The following FER1L6 variants were observed in gnomAD, a reference collection of about 807,000 sequenced individuals.
FER1L6 encodes the protein fer-1 like family member 6.
Under a neutral mutation model 219.2 loss-of-function variants are expected in FER1L6, and 177 were observed. That is an observed-to-expected ratio of 0.81 (90% CI 0.71 to 0.91). The LOEUF (loss-of-function observed/expected upper bound fraction) is 0.91. FER1L6 is among the 40% of genes least tolerant of loss of function. The probability of loss-of-function intolerance (pLI) is 0.00; values close to 1 mark genes in which losing one functional copy is unlikely to be tolerated. For synonymous variants in FER1L6, 768 were observed against 824.3 expected (o/e 0.93, Z 1.17); for missense variants, 2,153 against 2,259.9 (o/e 0.95, Z 0.96).
chr8:124,097,946 C>CT, intron 37 of FER1L6, 63 bp downstream of exon 37: 1 of 884,940 alleles, frequency 1.1e-6, no homozygotes, highest in South Asian at 1.4e-5. Context: ...TAAACCCTAA[C>CT]TAAATCTATG....
At chr8:123,960,019 A>T (rs1815198489) in intron 2 of FER1L6, among the ~76,000 whole-genome samples, 1 of 152,218 alleles carries the variant, frequency 6.6e-6, no homozygotes, top group Admixed American at 6.5e-5. Flanking sequence ...AACTGGGAAT[A>T]CATAGACTTG....
intron 1 of FER1L6, among the ~76,000 whole-genome samples, chr8:123,876,718 AT>A (rs566241361): frequency 4.6e-5 from 7 of 151,114 alleles, no homozygotes; most frequent in South Asian, 2.1e-4. Context: ...CTTTAATCTG[AT>A]TTTTTTTTCC....
At chr8:123,994,993 G>A (rs955837969) in intron 12 of FER1L6, among the ~76,000 whole-genome samples, 3 of 152,206 alleles carry the variant, frequency 2.0e-5, no homozygotes, top group Admixed American at 6.5e-5. Flanking sequence ...ATTCTCTGGT[G>A]GGAGTGTATA....
chr8:124,075,714 C>T (rs1360630029), intron 31 of FER1L6, among the ~76,000 whole-genome samples: 1 of 152,146 alleles, frequency 6.6e-6, no homozygotes, highest in Non-Finnish European at 1.5e-5. Flanking sequence ...ATGTGTTGCA[C>T]TACAATGCTG....
chr8:123,994,889 T>C (rs1348998971), intron 12 of FER1L6, among the ~76,000 whole-genome samples: 3 of 152,214 alleles, frequency 2.0e-5, no homozygotes, highest in Admixed American at 6.5e-5. Flanking sequence ...TATGCATAAC[T>C]TGTGGTTGCT....
chr8:123,856,280 A>ATATATATATATG (rs1373153039), intron 1 of FER1L6, among the ~76,000 whole-genome samples: 1 of 103,520 alleles, frequency 9.7e-6, no homozygotes, highest in Non-Finnish European at 2.0e-5. Context: ...ATATGTGTAT[A>ATATATATATATG]TATGTGTGTG....
intron 12 of FER1L6, among the ~76,000 whole-genome samples, chr8:123,990,635 C>A (rs764182468): frequency 6.6e-6 from 1 of 152,268 alleles, no homozygotes; most frequent in South Asian, 2.1e-4. Context: ...TTGTTGGATG[C>A]ATAGTTTGCA....
chr8:124,007,525 C>G (rs931435066), intron 13 of FER1L6, among the ~76,000 whole-genome samples: 2 of 152,200 alleles, frequency 1.3e-5, no homozygotes, highest in Non-Finnish European at 2.9e-5. Context: ...CCACACCCAC[C>G]CACTTCCTTC....
At chr8:124,090,035 C>T (rs1018972748) in intron 33 of FER1L6, among the ~76,000 whole-genome samples, 1 of 152,212 alleles carries the variant, frequency 6.6e-6, no homozygotes, top group Admixed American at 6.5e-5. Context: ...AGCCACTGCA[C>T]ACCTCTCTGA....
chr8:124,112,125 C>T (rs181664130), intron 39 of FER1L6, among the ~76,000 whole-genome samples: 1 of 152,282 alleles, frequency 6.6e-6, no homozygotes, highest in East Asian at 1.9e-4. Flanking sequence ...GACTGGGTGC[C>T]TCCAACATGC....
At chr8:123,909,490 T>A (rs1295964623) in intron 1 of FER1L6, among the ~76,000 whole-genome samples, 1 of 152,052 alleles carries the variant, frequency 6.6e-6, no homozygotes. Context: ...GTTAGGAGGA[T>A]GCCGCACAAT....
chr8:123,929,027 A>G (rs566247453), intron 1 of FER1L6, among the ~76,000 whole-genome samples: 3 of 152,332 alleles, frequency 2.0e-5, no homozygotes, highest in Admixed American at 6.5e-5. Context: ...GAATTCACCA[A>G]TGGCCTTGGG....
At chr8:124,000,264 TCACCTTTA>T (rs1473237179) in intron 12 of FER1L6, among the ~76,000 whole-genome samples, 2 of 152,218 alleles carry the variant, frequency 1.3e-5, no homozygotes, top group African/African-American at 4.8e-5. Context: ...GAAGAATGAA[TCACCTTTA>T]GGCAATTCAA....
chr8:123,942,633 G>A (rs1050158071), intron 1 of FER1L6, among the ~76,000 whole-genome samples: 5 of 152,048 alleles, frequency 3.3e-5, no homozygotes, highest in Non-Finnish European at 5.9e-5. Context: ...TCTAATCTCT[G>A]CCTCCATCTC....
intron 39 of FER1L6, among the ~76,000 whole-genome samples, chr8:124,107,730 T>A (rs957355222): frequency 1.2e-4 from 18 of 152,208 alleles, no homozygotes; most frequent in African/African-American, 4.3e-4. Flanking sequence ...CTGTCTGGTT[T>A]GATTGACTCA....
intron 32 of FER1L6, among the ~76,000 whole-genome samples, chr8:124,082,057 G>T (rs7005123): frequency 0.8 from 121,269 of 152,190 alleles, 48,723 homozygotes; most frequent in Non-Finnish European, 0.86. Flanking sequence ...ACTACAAGAT[G>T]TGGCCCATGA....
intron 1 of FER1L6, among the ~76,000 whole-genome samples, chr8:123,884,473 G>C (rs1817164523): frequency 6.6e-6 from 1 of 152,182 alleles, no homozygotes; most frequent in African/African-American, 2.4e-5. Flanking sequence ...AAAGAGAAAG[G>C]CAGAGGCAGA....
At chr8:123,881,827 G>A (rs1419255058) in intron 1 of FER1L6, among the ~76,000 whole-genome samples, 6 of 152,138 alleles carry the variant, frequency 3.9e-5, no homozygotes, top group Non-Finnish European at 8.8e-5. Context: ...AGTTGTGTCA[G>A]AGCAAAAGGA....
intron 17 of FER1L6, among the ~76,000 whole-genome samples, chr8:124,022,907 CTTTA>C (rs200237639): frequency 9.6e-5 from 9 of 93,626 alleles, no homozygotes; most frequent in Admixed American, 4.2e-4. Context: ...TTTGTAGGCA[CTTTA>C]TTTATTTATT....
Sources: allele counts gnomAD v4.1 joint callset (sites outside exome capture counted in the v4.1 genomes callset), GRCh38; gene constraint gnomAD v4.1.1; transcripts MANE v1.5; gene names NCBI Gene and HGNC (gene_info 2026-07-23, HGNC 2026-07-21).